The following MRTFA variants were observed in gnomAD, a reference collection of about 807,000 sequenced individuals.
MRTFA encodes myocardin-related transcription factor A.
MRTFA carries 20 observed loss-of-function variants against 83.5 expected under a neutral mutation model. The ratio of observed to expected loss-of-function variants is 0.24; its 90% CI spans 0.17 to 0.35. MRTFA has a LOEUF of 0.35. Among genes scored for constraint, MRTFA ranks in the 10% least tolerant of loss-of-function variants. The pLI is 1.00. For missense variants in MRTFA, 1,200 were observed against 1,224.7 expected, an observed-to-expected ratio of 0.98 and a Z score of 0.30; for synonymous variants, 659 against 541.2, an observed-to-expected ratio of 1.22 and a Z score of -3.02.
intron 3 of MRTFA, among the ~76,000 whole-genome samples, chr22:40,512,119 G>A (rs781409834): frequency 2.6e-5 from 4 of 152,030 alleles, no homozygotes; most frequent in African/African-American, 9.7e-5. Flanking sequence ...CCATCCTTAC[G>A]GTCCCTTGTG....
chr22:40,439,494 G>C (rs2053233257), intron 4 of MRTFA, among the ~76,000 whole-genome samples: 1 of 102,154 alleles, frequency 9.8e-6, no homozygotes, highest in African/African-American at 3.9e-5. Flanking sequence ...GACAGAGCAA[G>C]ACTCTGTCTC....
At chr22:40,566,657 C>T (rs2055708152) in intron 2 of MRTFA, among the ~76,000 whole-genome samples, 1 of 152,080 alleles carries the variant, frequency 6.6e-6, no homozygotes, top group South Asian at 2.1e-4. Context: ...CATGTTGAAA[C>T]CTCATCTCTA....
At chr22:40,423,819 G>C in intron 8 of MRTFA, 134 bp from the exon 9 acceptor site, 1 of 792,388 alleles carries the variant, frequency 1.3e-6, no homozygotes, top group South Asian at 2.6e-5. Flanking sequence ...CGGAGGAGGA[G>C]AAGAGCAACC....
intron 7 of MRTFA, among the ~76,000 whole-genome samples, chr22:40,425,930 G>C (rs530508726): frequency 6.6e-6 from 1 of 152,304 alleles, no homozygotes; most frequent in East Asian, 1.9e-4. Flanking sequence ...AACAAAGATG[G>C]GGTCCCTGCC....
intron 3 of MRTFA, among the ~76,000 whole-genome samples, chr22:40,508,810 G>A (rs2054622788): frequency 1.4e-5 from 2 of 147,110 alleles, no homozygotes; most frequent in African/African-American, 2.5e-5. Context: ...TTGAGCTCAG[G>A]ACCAGCCTGG....
At chr22:40,458,077 G>A (rs1276379982) in intron 4 of MRTFA, among the ~76,000 whole-genome samples, 3 of 152,104 alleles carry the variant, frequency 2.0e-5, no homozygotes, top group Non-Finnish European at 4.4e-5. Flanking sequence ...TTTCTTCTGT[G>A]AGTCTTCATC....
intron 3 of MRTFA, among the ~76,000 whole-genome samples, chr22:40,504,337 T>C (rs2054545939): frequency 6.6e-6 from 1 of 152,102 alleles, no homozygotes; most frequent in African/African-American, 2.4e-5. Flanking sequence ...TATGATCACA[T>C]CACTATACTC....
At position 40,492,004 on chromosome 22, in the gene MRTFA, T is replaced by C. The variant is rs539159242; in HGVS notation, c.242-28718A>G. Among the ~76,000 whole-genome samples the C allele has an allele frequency of 2.8e-4, 42 of 152,306 alleles. No individual in the cohort carries two copies. In the South Asian group the frequency reaches 8.5e-3, roughly 31 times the overall value. On this transcript the variant is annotated intron_variant, in intron 3 of 14. Transcript: ENST00000355630. Reference sequence around the variant, plus strand: ...ACTCGAACCTTCCCGCAAACTGTGATAATGGGTCAGGCACACTGCTGAGTA... The same window carrying C: ...ACTCGAACCTTCCCGCAAACTGTGACAATGGGTCAGGCACACTGCTGAGTA...
chr22:40,591,128 CG>C (rs1256803975), intron 2 of MRTFA, among the ~76,000 whole-genome samples: 1 of 151,694 alleles, frequency 6.6e-6, no homozygotes, highest in Non-Finnish European at 1.5e-5. Flanking sequence ...AGCGAGACTC[CG>C]TCTCAAAATA....
intron 3 of MRTFA, among the ~76,000 whole-genome samples, chr22:40,548,161 C>A (rs1261337222): frequency 1.3e-5 from 2 of 151,808 alleles, no homozygotes; most frequent in African/African-American, 4.8e-5. Context: ...GAGTTCGAGA[C>A]CTGCCTGGCC....
At chr22:40,438,448 C>G (rs944870656) in intron 4 of MRTFA, among the ~76,000 whole-genome samples, 5 of 152,110 alleles carry the variant, frequency 3.3e-5, no homozygotes, top group African/African-American at 1.2e-4. Flanking sequence ...GGGTAAGGCA[C>G]AAACCCAAAG....
chr22:40,438,076 C>T (rs1341379155), intron 4 of MRTFA, among the ~76,000 whole-genome samples: 2 of 152,134 alleles, frequency 1.3e-5, no homozygotes, highest in African/African-American at 4.8e-5. Context: ...CAACCGGGTT[C>T]GAAACCTCAC....
intron 7 of MRTFA, chr22:40,429,349 T>C (rs746581847): frequency 1.1e-4 from 66 of 622,018 alleles, no homozygotes; most frequent in Non-Finnish European, 1.6e-4. Flanking sequence ...TTTACAAAGA[T>C]GGAAAGTGAA....
chr22:40,610,984 C>T (rs534979658), intron 1 of MRTFA, among the ~76,000 whole-genome samples: 4 of 138,972 alleles, frequency 2.9e-5, no homozygotes, highest in Admixed American at 2.3e-4. Context: ...GTTGTCCAGG[C>T]TGGCAGGCAG....
intron 3 of MRTFA, among the ~76,000 whole-genome samples, chr22:40,470,282 A>ATAT (rs2053886396): frequency 2.9e-4 from 23 of 79,100 alleles, no homozygotes; most frequent in South Asian, 4.8e-4. Context: ...TATATATATA[A>ATAT]AGAAACATAA....
At chr22:40,489,704 C>T (rs1202286357) in intron 3 of MRTFA, among the ~76,000 whole-genome samples, 18 of 152,218 alleles carry the variant, frequency 1.2e-4, no homozygotes, top group Admixed American at 1.2e-3. Flanking sequence ...AGTAGCCGGG[C>T]ATGGTGGCTC....
chr22:40,448,538 T>C (rs2053427055), intron 4 of MRTFA, among the ~76,000 whole-genome samples: 1 of 152,184 alleles, frequency 6.6e-6, no homozygotes, highest in Non-Finnish European at 1.5e-5. Context: ...CAGACAACAG[T>C]GATTTTAATC....
At chr22:40,606,640 T>C (rs80088091) in intron 1 of MRTFA, among the ~76,000 whole-genome samples, 1 of 152,110 alleles carries the variant, frequency 6.6e-6, no homozygotes, top group East Asian at 1.9e-4. Flanking sequence ...AAGTTTTTGT[T>C]TGTGTGTGTG....
intron 2 of MRTFA, among the ~76,000 whole-genome samples, chr22:40,590,696 A>G: frequency 6.6e-6 from 1 of 151,416 alleles, no homozygotes; most frequent in Non-Finnish European, 1.5e-5. Context: ...AAAAAAAAAA[A>G]GGAAAAGCTC....
Sources: allele counts gnomAD v4.1 joint callset (sites outside exome capture counted in the v4.1 genomes callset), GRCh38; gene constraint gnomAD v4.1.1; transcripts MANE v1.5; gene names NCBI Gene and HGNC (gene_info 2026-07-23, HGNC 2026-07-21).